DCDC2: variants seen among roughly 807,000 people sequenced by gnomAD.
The protein encoded by DCDC2 is doublecortin domain containing 2.
DCDC2 carries 40 observed loss-of-function variants against 50.2 expected under a neutral mutation model. The ratio of observed to expected loss-of-function variants is 0.80; its 90% confidence interval spans 0.62 to 1.04. The LOEUF (loss-of-function observed/expected upper bound fraction) is 1.04, where lower values mean the gene tolerates loss of function less well. DCDC2 is among the 50% of genes least tolerant of loss of function. DCDC2 has a pLI of 0.00. For synonymous variants in DCDC2, 234 were observed against 210.6 expected (o/e 1.11, Z -0.96); for missense variants, 570 against 581.9 (o/e 0.98, Z 0.21).
the DCDC2 span, among the ~76,000 whole-genome samples, chr6:24,376,919 C>T: frequency 6.6e-6 from 1 of 151,954 alleles, no homozygotes; most frequent in East Asian, 1.9e-4. Context: ...AAACACGCCA[C>T]CTTGGAGATC....
intron 8 of DCDC2, among the ~76,000 whole-genome samples, chr6:24,194,095 G>A (rs1044466247): frequency 6.6e-6 from 1 of 152,038 alleles, no homozygotes; most frequent in Non-Finnish European, 1.5e-5. Context: ...TGGGAGAGGG[G>A]ATTAGGAATA....
At chr6:24,240,294 G>T (rs1762539037) in intron 7 of DCDC2, among the ~76,000 whole-genome samples, 1 of 152,118 alleles carries the variant, frequency 6.6e-6, no homozygotes, top group African/African-American at 2.4e-5. Flanking sequence ...TTAAAGAGGT[G>T]CATCAGAAAG....
In DCDC2 at chr6:24,216,967, A is replaced by G. The variant is rs550748799; in HGVS notation, c.923-11865T>C. ...GAGGTCAGGGGCTGCGAGGAAGTAG[A>G]AGAAAGTGAGAAACCTGCAGAGCAG... On this transcript the variant is annotated intron_variant, in intron 7 of 9. Coordinates refer to ENST00000378454, the MANE Select transcript of DCDC2 (RefSeq NM_016356.5). 2.0e-5 allele frequency among the ~76,000 whole-genome samples: 3 copies of G among 152,346 alleles called. No homozygotes were observed. In the South Asian group the frequency reaches 6.2e-4, roughly 32 times the overall value.
chr6:24,275,227 G>T, intron 7 of DCDC2, among the ~76,000 whole-genome samples: 1 of 152,086 alleles, frequency 6.6e-6, no homozygotes, highest in East Asian at 1.9e-4. Context: ...GAATATGAAG[G>T]CTGAATTAAA....
chr6:24,293,142 G>A (rs567013980), intron 4 of DCDC2, among the ~76,000 whole-genome samples: 1 of 152,274 alleles, frequency 6.6e-6, no homozygotes, highest in South Asian at 2.1e-4. Flanking sequence ...GTTTTGCTAT[G>A]TTGCCCAGGT....
intron 7 of DCDC2, among the ~76,000 whole-genome samples, chr6:24,212,334 G>A (rs749791702): frequency 6.8e-4 from 104 of 152,252 alleles, no homozygotes; most frequent in African/African-American, 2.0e-3. Context: ...GATACCTGCT[G>A]GGCAAAAACA....
chr6:24,298,241 C>T (rs1330573942), intron 4 of DCDC2, among the ~76,000 whole-genome samples: 1 of 152,176 alleles, frequency 6.6e-6, no homozygotes, highest in African/African-American at 2.4e-5. Context: ...GGAGTGCAGG[C>T]GGTGATGCTC....
At position 24,314,469 on chromosome 6, in the gene DCDC2, G is replaced by A. The variant is rs78415753; in HGVS notation, c.349-12425C>T. Among the ~76,000 whole-genome samples the A allele has an allele frequency of 7.4e-3, 1,109 of 150,672 alleles. 13 individuals carry two copies. Among genetic ancestry groups the A allele is most frequent in the African/African-American group, 0.025 (1,024 of 40,602 alleles). On this transcript the variant is annotated intron_variant, in intron 2 of 9. Coordinates refer to ENST00000378454, the MANE Select transcript of DCDC2 (RefSeq NM_016356.5). ...TCCAGTCTGGGCAACAGAGCAAGAC[G>A]TTGTCTCAAAAAAAACAAAAACAAA... is the stretch of plus-strand genomic sequence containing the variant.
At chr6:24,288,563 A>G (rs1433993309) in intron 6 of DCDC2, among the ~76,000 whole-genome samples, 1 of 152,254 alleles carries the variant, frequency 6.6e-6, no homozygotes, top group African/African-American at 2.4e-5. Context: ...GTGACCTACT[A>G]CAATGGTTCT....
chr6:24,221,965 T>C (rs542894632), intron 7 of DCDC2, among the ~76,000 whole-genome samples: 16 of 152,308 alleles, frequency 1.1e-4, no homozygotes, highest in African/African-American at 3.4e-4. Context: ...CTATGTTACT[T>C]TGAACTTTTA....
At chr6:24,183,837 G>A (rs950170047) in intron 8 of DCDC2, among the ~76,000 whole-genome samples, 19 of 152,176 alleles carry the variant, frequency 1.2e-4, no homozygotes, top group South Asian at 4.2e-4. Flanking sequence ...GGAATGAGGC[G>A]AGAAGCAGTT....
chr6:24,341,986 CTACAT>C (rs1389796733), intron 2 of DCDC2, among the ~76,000 whole-genome samples: 19 of 151,910 alleles, frequency 1.3e-4, no homozygotes, highest in Non-Finnish European at 4.4e-5. Context: ...AGAATTTGTT[CTACAT>C]TAAAGAGAAA....
chr6:24,301,810 A>G lies in DCDC2; in HGVS notation c.462T>C (p.Ser154=). 2 of 1,614,220 alleles carry G rather than the reference A, an allele frequency of 1.2e-6. No individual in the cohort carries two copies. Among genetic ancestry groups the G allele is most frequent in the Non-Finnish European group, 1.7e-6 (2 of 1,180,036 alleles). ...IANGDLINPA[S]RLLIPRKTLN... ...AGGTTTTTCTGGGGATAAGGAGGCG[A>G]GAAGCTGGGTTTATGAGGTCTCCAT... Residue 154 remains serine (S), a synonymous_variant, in exon 4 of 10, where the codon TCT becomes TCC. Coordinates refer to ENST00000378454, the MANE Select transcript of DCDC2 (RefSeq NM_016356.5).
intron 2 of DCDC2, among the ~76,000 whole-genome samples, chr6:24,318,513 C>T (rs1392177413): frequency 2.0e-5 from 3 of 152,022 alleles, no homozygotes; most frequent in African/African-American, 7.2e-5. Context: ...GAATAATGTA[C>T]AATGTATCCA....
At position 24,303,047 on chromosome 6, in the gene DCDC2, G is replaced by A. The variant is rs542248313; in HGVS notation, c.349-1003C>T. 5.9e-5 allele frequency among the ~76,000 whole-genome samples: 9 copies of A among 151,692 alleles called. No individual in the cohort carries two copies. The South Asian group carries it at 1.3e-3, about 21-fold the overall frequency. On this transcript the variant is annotated intron_variant, in intron 2 of 9. Coordinates refer to ENST00000378454, the MANE Select transcript of DCDC2 (RefSeq NM_016356.5). ...CTCAGAAGGAACTATATGCCTTTAG[G>A]AAGCTAACCCCACATCTTGATTTTG...
At chr6:24,381,860 A>AAGGAAGGAAGGG in the DCDC2 span, among the ~76,000 whole-genome samples, 3 of 140,454 alleles carry the variant, frequency 2.1e-5, no homozygotes, top group East Asian at 2.1e-4. Context: ...GGAAGGAAGG[A>AAGGAAGGAAGGG]GAAATAAAAG....
chr6:24,320,639 C>G (rs985711076), intron 2 of DCDC2, among the ~76,000 whole-genome samples: 8 of 152,068 alleles, frequency 5.3e-5, no homozygotes, highest in Admixed American at 5.2e-4. Flanking sequence ...GCTACAAACT[C>G]AGTGTTTAAA....
Position 24,173,340 on chromosome 6 carries a change from T to C in DCDC2, c.*1390A>G, listed in dbSNP as rs1760829143. On this transcript the variant is annotated 3_prime_UTR_variant, in exon 10 of 10. Transcript: ENST00000378454. ...ATAACTGCCAACTCTTTATTCCAAA[T>C]GAAACCTGGAAGAGAAAAAATGTTT... The C allele has an allele frequency of 6.6e-6, 1 of 152,138 alleles. No individual in the cohort carries two copies. The highest frequency in any genetic ancestry group is 1.5e-5 in the Non-Finnish European group (1 of 67,996). The allele number at this position is 152,138 out of a possible 1,614,324, so 9.4% of individuals were successfully genotyped here.
intron 7 of DCDC2, among the ~76,000 whole-genome samples, chr6:24,221,407 A>T (rs1260696766): frequency 6.6e-6 from 1 of 152,104 alleles, no homozygotes; most frequent in Admixed American, 6.6e-5. Flanking sequence ...CCTCACAGCC[A>T]TGTTTTTCCC....
Sources: allele counts gnomAD v4.1 joint callset (sites outside exome capture counted in the v4.1 genomes callset), GRCh38; gene constraint gnomAD v4.1.1; transcripts MANE v1.5; gene names NCBI Gene and HGNC (gene_info 2026-07-23, HGNC 2026-07-21).